The following LTBP1 variants were observed in gnomAD, a reference collection of about 807,000 sequenced individuals.
LTBP1 encodes the protein latent transforming growth factor beta binding protein 1.
Under a neutral mutation model 207.6 loss-of-function variants are expected in LTBP1, and 129 were observed. The ratio of observed to expected loss-of-function variants is 0.62; its 90% CI spans 0.54 to 0.72. LTBP1 has a LOEUF of 0.72. Ranked by LOEUF, LTBP1 falls within the 30% of genes least tolerant of loss-of-function variation. The pLI, the probability that LTBP1 is intolerant of heterozygous loss-of-function variation, is 0.00. For missense variants in LTBP1, 2,281 were observed against 2,217.2 expected, an observed-to-expected ratio of 1.03 and a Z score of -0.58; for synonymous variants, 963 against 833.7, an observed-to-expected ratio of 1.16 and a Z score of -2.67.
chr2:33,185,994 A>G (rs1010490908), intron 5 of LTBP1, among the ~76,000 whole-genome samples: 3 of 152,184 alleles, frequency 2.0e-5, no homozygotes, highest in Admixed American at 2.0e-4. Flanking sequence ...CCATAAGCTA[A>G]AATAGCCAGA....
chr2:33,348,266 T>C (rs2094731000), intron 26 of LTBP1, among the ~76,000 whole-genome samples: 1 of 152,188 alleles, frequency 6.6e-6, no homozygotes, highest in African/African-American at 2.4e-5. Context: ...TCACTACTCC[T>C]CTGGAGGATA....
intron 8 of LTBP1, among the ~76,000 whole-genome samples, chr2:33,218,677 G>A (rs1024596035): frequency 6.6e-6 from 1 of 152,194 alleles, no homozygotes; most frequent in Non-Finnish European, 1.5e-5. Context: ...GATTACAGGC[G>A]TGAGCCACTG....
intron 31 of LTBP1, among the ~76,000 whole-genome samples, chr2:33,373,898 T>C (rs1206224105): frequency 6.6e-6 from 1 of 152,218 alleles, no homozygotes; most frequent in African/African-American, 2.4e-5. Flanking sequence ...CCATTTGCTG[T>C]GACAGAAAAT....
chr2:33,280,757 T>G (rs971282092), intron 19 of LTBP1, among the ~76,000 whole-genome samples: 1 of 152,152 alleles, frequency 6.6e-6, no homozygotes, highest in Non-Finnish European at 1.5e-5. Flanking sequence ...TTCTTTCCTT[T>G]CTCCCTCAAA....
At chr2:33,235,107 A>G (rs1384906471) in intron 9 of LTBP1, among the ~76,000 whole-genome samples, 1 of 152,242 alleles carries the variant, frequency 6.6e-6, no homozygotes, top group Non-Finnish European at 1.5e-5. Context: ...ATCAGTGCAA[A>G]CAGGCAAACT....
chr2:33,398,393 C>T lies in LTBP1; in HGVS notation c.5014C>T (p.Arg1672Trp), dbSNP rs144508055. Residue 1672 changes from arginine to tryptophan, a missense_variant, in exon 34 of 34, where the codon CGG becomes TGG. Physicochemically the swap from Arg to Trp is moderately radical, Grantham distance 101. Coordinates refer to ENST00000404816, the MANE Select transcript of LTBP1 (RefSeq NM_206943.4). ...DVNECDELNN[R>W]MSLCKNAKCI... Reference sequence around the variant, plus strand: ...AAATGAATGCGATGAGTTGAACAACCGGATGTCTCTCTGCAAGAATGCCAA... The same window carrying T: ...AAATGAATGCGATGAGTTGAACAACTGGATGTCTCTCTGCAAGAATGCCAA... 376 of 1,613,808 alleles carry T rather than the reference C, an allele frequency of 2.3e-4. No homozygotes were observed. The highest frequency in any genetic ancestry group is 3.0e-4 in the Non-Finnish European group (357 of 1,179,916).
intron 2 of LTBP1, among the ~76,000 whole-genome samples, chr2:33,000,922 A>G (rs1361224392): frequency 7.4e-6 from 1 of 134,508 alleles, no homozygotes; most frequent in Non-Finnish European, 1.6e-5. Context: ...GTACAATTGC[A>G]TTTGAAAAGA....
chr2:32,996,822 G>A (rs943034111), intron 2 of LTBP1, among the ~76,000 whole-genome samples: 7 of 152,152 alleles, frequency 4.6e-5, no homozygotes, highest in South Asian at 2.1e-4. Flanking sequence ...CCAGTCTCGC[G>A]CAGTTCCTAC....
chr2:33,090,455 C>G (rs2150015555), intron 3 of LTBP1, among the ~76,000 whole-genome samples: 1 of 152,232 alleles, frequency 6.6e-6, no homozygotes, highest in East Asian at 1.9e-4. Context: ...AGTGTAGTTT[C>G]TTGTGAAAAT....
chr2:33,153,856 C>A (rs1195441733), intron 5 of LTBP1, among the ~76,000 whole-genome samples: 5 of 123,636 alleles, frequency 4.0e-5, no homozygotes, highest in Non-Finnish European at 7.0e-5. Flanking sequence ...AGAGATCCAC[C>A]CGGCTCCGTG....
At chr2:33,313,960 A>C (rs1187344332) in intron 23 of LTBP1, among the ~76,000 whole-genome samples, 1 of 152,184 alleles carries the variant, frequency 6.6e-6, no homozygotes, top group Non-Finnish European at 1.5e-5. Context: ...CATCTTGGGC[A>C]CTGTTAGCCA....
intron 11 of LTBP1, among the ~76,000 whole-genome samples, chr2:33,253,215 T>G (rs1382895433): frequency 6.6e-6 from 1 of 152,228 alleles, no homozygotes; most frequent in East Asian, 1.9e-4. Flanking sequence ...AACTAGACTT[T>G]GTGCAAGTTG....
chr2:32,995,227 G>T (rs1259665493), intron 2 of LTBP1, among the ~76,000 whole-genome samples: 3 of 151,972 alleles, frequency 2.0e-5, no homozygotes, highest in African/African-American at 7.3e-5. Context: ...TCATAGCGAG[G>T]TTGAAAACCA....
At chr2:33,322,055 C>T (rs1415048124) in intron 24 of LTBP1, among the ~76,000 whole-genome samples, 1 of 151,840 alleles carries the variant, frequency 6.6e-6, no homozygotes, top group Non-Finnish European at 1.5e-5. Context: ...CCATGCATTG[C>T]TTGATTGTCT....
chr2:33,364,130 A>T (rs1424944633), intron 29 of LTBP1, 86 bp from the exon 30 acceptor site: 13 of 1,344,846 alleles, frequency 9.7e-6, no homozygotes, highest in Middle Eastern at 4.0e-4. Flanking sequence ...ATCTGGACTA[A>T]ATATAGCAAT....
intron 11 of LTBP1, among the ~76,000 whole-genome samples, chr2:33,254,773 G>A: frequency 1.2e-5 from 1 of 83,030 alleles, no homozygotes; most frequent in Non-Finnish European, 2.0e-5. Flanking sequence ...ACAGTCCCCA[G>A]AGTGTGATGT....
intron 5 of LTBP1, among the ~76,000 whole-genome samples, chr2:33,183,182 A>G (rs1166912820): frequency 1.3e-5 from 2 of 152,208 alleles, no homozygotes; most frequent in Non-Finnish European, 2.9e-5. Context: ...TCCTTTGGGA[A>G]TCTTCATCCT....
chr2:33,146,744 A>G (rs2083081144), intron 5 of LTBP1, among the ~76,000 whole-genome samples: 1 of 152,130 alleles, frequency 6.6e-6, no homozygotes, highest in South Asian at 2.1e-4. Context: ...AGAGAGTGAA[A>G]TGGGAGATGC....
chr2:33,050,514 T>C (rs2076681967), intron 3 of LTBP1, among the ~76,000 whole-genome samples: 1 of 152,044 alleles, frequency 6.6e-6, no homozygotes, highest in African/African-American at 2.4e-5. Flanking sequence ...ATTAATGAAC[T>C]ATTATGGAGT....
Sources: allele counts gnomAD v4.1 joint callset (sites outside exome capture counted in the v4.1 genomes callset), GRCh38; gene constraint gnomAD v4.1.1; transcripts MANE v1.5; gene names NCBI Gene and HGNC (gene_info 2026-07-23, HGNC 2026-07-21).